The following RTN1 variants were observed in gnomAD, a reference collection of about 807,000 sequenced individuals.
RTN1 encodes the protein reticulon-1.
In RTN1, 25 loss-of-function variants were observed where a neutral mutation model predicts 65.5. That is an observed-to-expected ratio of 0.38 (90% confidence interval 0.28 to 0.53). The LOEUF is 0.53. RTN1 is among the 20% of genes least tolerant of loss of function. The pLI is 0.79. For synonymous variants in RTN1, 471 were observed against 447.6 expected, an observed-to-expected ratio of 1.05 and a Z score of -0.66; for missense variants, 983 against 1,025.4, an observed-to-expected ratio of 0.96 and a Z score of 0.57.
At chr14:59,669,108 T>C (rs1883444706) in intron 3 of RTN1, among the ~76,000 whole-genome samples, 1 of 152,198 alleles carries the variant, frequency 6.6e-6, no homozygotes, top group African/African-American at 2.4e-5. Context: ...TTACTGGGTA[T>C]ATACCCAAAG....
chr14:59,698,941 C>T (rs1178251996), intron 3 of RTN1, among the ~76,000 whole-genome samples: 1 of 152,134 alleles, frequency 6.6e-6, no homozygotes, highest in Non-Finnish European at 1.5e-5. Flanking sequence ...ACCTATACAA[C>T]TGGAGTTGCT....
chr14:59,697,864 C>A (rs1884095163), intron 3 of RTN1, among the ~76,000 whole-genome samples: 1 of 152,084 alleles, frequency 6.6e-6, no homozygotes, highest in South Asian at 2.1e-4. Flanking sequence ...TGCTGTAAAC[C>A]ACACTATCCA....
chr14:59,765,163 T>G (rs1331216307), intron 1 of RTN1, among the ~76,000 whole-genome samples: 1 of 151,878 alleles, frequency 6.6e-6, no homozygotes, highest in African/African-American at 2.4e-5. Flanking sequence ...GATTCAATAA[T>G]GCAAAGACTA....
intron 3 of RTN1, among the ~76,000 whole-genome samples, chr14:59,615,850 G>T (rs1401485958): frequency 6.6e-6 from 1 of 152,132 alleles, no homozygotes; most frequent in Non-Finnish European, 1.5e-5. Flanking sequence ...TATCTTCATT[G>T]CATCTTGTTT....
intron 3 of RTN1, among the ~76,000 whole-genome samples, chr14:59,711,292 C>T (rs1046572187): frequency 5.3e-5 from 8 of 152,190 alleles, no homozygotes; most frequent in African/African-American, 1.7e-4. Context: ...TTTGCCAACT[C>T]AAGTCTTTTA....
intron 1 of RTN1, among the ~76,000 whole-genome samples, chr14:59,787,953 T>C (rs1886282138): frequency 6.6e-6 from 1 of 152,174 alleles, no homozygotes; most frequent in South Asian, 2.1e-4. Context: ...TTAAACTCCT[T>C]ACACTTTATT....
At chr14:59,756,159 G>A (rs991719131) in intron 1 of RTN1, among the ~76,000 whole-genome samples, 1 of 152,182 alleles carries the variant, frequency 6.6e-6, no homozygotes, top group African/African-American at 2.4e-5. Flanking sequence ...GCATAAAGTT[G>A]CAGAGCACTA....
At chr14:59,772,811 GT>G (rs10709977) in intron 1 of RTN1, among the ~76,000 whole-genome samples, 62,882 of 151,240 alleles carry the variant, frequency 0.42, 13,775 homozygotes, top group African/African-American at 0.55. Context: ...AAAGGACTGG[GT>G]TTTTTTTTGG....
intron 1 of RTN1, among the ~76,000 whole-genome samples, chr14:59,820,910 T>C (rs1426345909): frequency 6.6e-6 from 1 of 152,250 alleles, no homozygotes. Context: ...TTGTTTACTG[T>C]AGTCTTGTAG....
At chr14:59,607,891 A>G (rs575945703) in intron 3 of RTN1, among the ~76,000 whole-genome samples, 1 of 144,310 alleles carries the variant, frequency 6.9e-6, no homozygotes, top group African/African-American at 2.8e-5. Flanking sequence ...ACAGGGTTAG[A>G]CTCTGTCTTA....
chr14:59,635,708 TCAAA>T (rs1195408297), intron 3 of RTN1, among the ~76,000 whole-genome samples: 1 of 151,890 alleles, frequency 6.6e-6, no homozygotes, highest in Non-Finnish European at 1.5e-5. Context: ...AGAGAATTAA[TCAAA>T]CAATAGAAAT....
At chr14:59,743,705 G>C (rs929340245) in intron 2 of RTN1, among the ~76,000 whole-genome samples, 1 of 140,782 alleles carries the variant, frequency 7.1e-6, no homozygotes, top group African/African-American at 2.9e-5. Flanking sequence ...AGACTGGAAG[G>C]GCACCCTTCC....
chr14:59,759,139 A>G (rs777110415), intron 1 of RTN1, among the ~76,000 whole-genome samples: 1 of 152,182 alleles, frequency 6.6e-6, no homozygotes, highest in Non-Finnish European at 1.5e-5. Context: ...GAAAAAAACA[A>G]AGAAGAAGGA....
At chr14:59,796,891 T>C (rs1886449500) in intron 1 of RTN1, among the ~76,000 whole-genome samples, 2 of 152,220 alleles carry the variant, frequency 1.3e-5, no homozygotes, top group African/African-American at 4.8e-5. Context: ...CTGTCTATCT[T>C]CATATCCACA....
chr14:59,855,071 C>G (rs1435479710), intron 1 of RTN1, among the ~76,000 whole-genome samples: 1 of 152,116 alleles, frequency 6.6e-6, no homozygotes, highest in Non-Finnish European at 1.5e-5. Context: ...ACCAATATGG[C>G]TTAGATTTTG....
chr14:59,643,084 C>T (rs1041547391), intron 3 of RTN1, among the ~76,000 whole-genome samples: 1 of 152,090 alleles, frequency 6.6e-6, no homozygotes, highest in African/African-American at 2.4e-5. Flanking sequence ...TTGTTTTAGG[C>T]CAATAAGCCT....
chr14:59,767,353 C>G (rs1385379367), intron 1 of RTN1, among the ~76,000 whole-genome samples: 1 of 152,168 alleles, frequency 6.6e-6, no homozygotes, highest in Admixed American at 6.5e-5. Context: ...TGAACCAGCT[C>G]TAACAATGCA....
At chr14:59,788,752 C>T (rs1407319451) in intron 1 of RTN1, among the ~76,000 whole-genome samples, 1 of 152,072 alleles carries the variant, frequency 6.6e-6, no homozygotes, top group African/African-American at 2.4e-5. Context: ...CCATAGCTTC[C>T]TAATTTATTT....
At chr14:59,653,103 G>A (rs182811196) in intron 3 of RTN1, among the ~76,000 whole-genome samples, 1 of 152,182 alleles carries the variant, frequency 6.6e-6, no homozygotes, top group East Asian at 1.9e-4. Flanking sequence ...TTTAAAGAGA[G>A]CCTCACCTAG....
Sources: allele counts gnomAD v4.1 joint callset (sites outside exome capture counted in the v4.1 genomes callset), GRCh38; gene constraint gnomAD v4.1.1; transcripts MANE v1.5; gene names NCBI Gene and HGNC (gene_info 2026-07-23, HGNC 2026-07-21).